Variants in CLSPN observed in about 807,000 individuals in gnomAD.
The protein encoded by CLSPN is claspin homolog.
Under a neutral mutation model 156.3 loss-of-function variants are expected in CLSPN, and 85 were observed. The observed-to-expected ratio is 0.54, with a 90% CI of 0.46 to 0.65. CLSPN has a LOEUF of 0.65. Among genes scored for constraint, CLSPN ranks in the 30% least tolerant of loss-of-function variants. CLSPN has a pLI of 0.00. For synonymous variants in CLSPN, 534 were observed against 542.4 expected (o/e 0.98, Z 0.22); for missense variants, 1,407 against 1,554.9 (o/e 0.90, Z 1.60).
In CLSPN at chr1:35,761,979, G is replaced by C. The variant is rs1370071851; in HGVS notation, c.895+19C>G. On this transcript the variant is annotated intron_variant, in intron 6 of 24. Coordinates refer to ENST00000318121, the MANE Select transcript of CLSPN (RefSeq NM_022111.4). ...AGAAATGTTGTGATTTTGCCTCAAA[G>C]TTTACTGGGTTGCATTACCTCGAAT... is the stretch of plus-strand genomic sequence containing the variant. The C allele has an allele frequency of 1.5e-5, 24 of 1,588,736 alleles. No individual in the cohort carries two copies. The highest frequency in any genetic ancestry group is 1.9e-5 in the Non-Finnish European group (22 of 1,160,964).
chr1:35,723,935 G>A (rs1385873271), intron 24 of CLSPN, among the ~76,000 whole-genome samples: 3 of 152,296 alleles, frequency 2.0e-5, no homozygotes, highest in South Asian at 4.1e-4. Flanking sequence ...AGGTTGCAGT[G>A]AGCCAAGATC....
chr1:35,753,879 C>T lies in CLSPN; in HGVS notation c.1637G>A (p.Arg546Lys), dbSNP rs374926486. The T allele has an allele frequency of 5.4e-5, 87 of 1,614,096 alleles. No homozygotes were observed. Among genetic ancestry groups the T allele is most frequent in the Non-Finnish European group, 6.4e-5 (76 of 1,180,050 alleles). Residue 546 changes from arginine to lysine, a missense_variant, in exon 9 of 25, where the codon AGG (arginine) becomes AAG (lysine). Coordinates refer to ENST00000318121, the MANE Select transcript of CLSPN (RefSeq NM_022111.4). ...WKHANPAAKP[R>K]AGQTVNVNVI... ...GTTCACATTCACTGTCTGACCAGCC[C>T]TGGGTTTGGCTGCTGGATTAGCATG...
chr1:35,750,402 T>G (rs2148619789), intron 10 of CLSPN, among the ~76,000 whole-genome samples: 1 of 151,916 alleles, frequency 6.6e-6, no homozygotes, highest in East Asian at 1.9e-4. Flanking sequence ...GAAAGTTTTT[T>G]TTTTTTTTTC....
intron 24 of CLSPN, 27 bp downstream of exon 24, chr1:35,736,887 C>T: frequency 1.3e-6 from 2 of 1,597,388 alleles, no homozygotes; most frequent in Middle Eastern, 1.7e-4. Context: ...TTTGGGAAGC[C>T]ACCATATTAG....
rs1225402735 is a variant in CLSPN at position 35,742,992 on chromosome 1, G to A, written c.3143+149C>T. The A allele has an allele frequency of 1.9e-5, 12 of 620,470 alleles. No individual in the cohort carries two copies. The South Asian group carries it at 2.2e-4, about 11-fold the overall frequency. The allele number at this position is 620,470 out of a possible 1,614,324, so 38.4% of individuals were successfully genotyped here. On this transcript the variant is annotated intron_variant, in intron 18 of 24. Coordinates refer to ENST00000318121, the MANE Select transcript of CLSPN (RefSeq NM_022111.4). ...TCGATCTCTTGACCTGTGTCACCAA[G>A]ACCAGGCTGGTCTTGAACTCCTGAC...
chr1:35,740,488 G>A (rs182860204), intron 18 of CLSPN, among the ~76,000 whole-genome samples: 2 of 150,372 alleles, frequency 1.3e-5, no homozygotes, highest in Non-Finnish European at 3.0e-5. Flanking sequence ...ATGCCATCTC[G>A]GCTCACTGCA....
intron 9 of CLSPN, among the ~76,000 whole-genome samples, chr1:35,752,471 G>A (rs915457531): frequency 2.6e-5 from 4 of 151,670 alleles, no homozygotes; most frequent in Non-Finnish European, 5.9e-5. Context: ...CCAGCTATTC[G>A]GGAGGCTGAG....
Position 35,764,711 on chromosome 1 carries a change from G to C in CLSPN, c.137C>G (p.Ser46Ter). 6.4e-7 allele frequency: 1 copy of C among 1,554,694 alleles called. No homozygotes were observed. Among genetic ancestry groups the C allele is most frequent in the Non-Finnish European group, 8.6e-7 (1 of 1,156,378 alleles). ...ETIGPLSEGD[S>*]DEEIFVSKKL... is the part of the protein sequence containing the mutation. Reference sequence around the variant, plus strand: ...CTTACTTACAAATATCTCTTCATCTGAATCTGGAGGAAACAATTTTCTTTT... The same window carrying C: ...CTTACTTACAAATATCTCTTCATCTCAATCTGGAGGAAACAATTTTCTTTT... Residue 46 changes from serine to a stop codon, truncating the protein, a stop_gained, in exon 3 of 25, where the codon TCA becomes TGA. Coordinates refer to ENST00000318121, the MANE Select transcript of CLSPN (RefSeq NM_022111.4). LOFTEE classifies it high-confidence loss of function.
At chr1:35,767,489 C>T (rs1182659014) in intron 1 of CLSPN, among the ~76,000 whole-genome samples, 1 of 152,128 alleles carries the variant, frequency 6.6e-6, no homozygotes, top group Non-Finnish European at 1.5e-5. Context: ...CTGAAATGCT[C>T]CCAATTCCAA....
intron 24 of CLSPN, among the ~76,000 whole-genome samples, chr1:35,723,639 TGGG>T (rs1446011958): frequency 6.6e-6 from 1 of 152,170 alleles, no homozygotes; most frequent in Non-Finnish European, 1.5e-5. Context: ...GGTACTGTGT[TGGG>T]AATTCAGAGC....
downstream of CLSPN, among the ~76,000 whole-genome samples, chr1:35,727,554 G>A (rs190565127): frequency 5.3e-5 from 8 of 152,314 alleles, no homozygotes; most frequent in East Asian, 5.8e-4. Context: ...GGAACAGCAG[G>A]TTTAGATCAT....
chr1:35,720,852 G>C, exon 25 of CLSPN: 1 of 1,416,886 alleles, frequency 7.1e-7, no homozygotes. Flanking sequence ...GCCCAGAATA[G>C]CCCTTCTCCG....
intron 8 of CLSPN, among the ~76,000 whole-genome samples, chr1:35,758,374 G>A (rs1456677322): frequency 6.6e-6 from 1 of 152,140 alleles, no homozygotes; most frequent in Non-Finnish European, 1.5e-5. Flanking sequence ...GCTGAGTGTA[G>A]TGGCTCACAC....
chr1:35,753,903 T>TCCAAAC lies in CLSPN; in HGVS notation c.1612_1613insGTTTGG (p.His538delinsArgLeuAsp), dbSNP rs769351229. ...CCTGGGTTTGGCTGCTGGATTAGCA[T>TCCAAAC]GCTTCCAGAAACGCTGCTTCAAGGC... On this transcript the variant is annotated protein_altering_variant, in exon 9 of 25. Coordinates refer to ENST00000318121, the MANE Select transcript of CLSPN (RefSeq NM_022111.4). 6.2e-7 allele frequency: 1 copy of TCCAAAC among 1,614,102 alleles called. No individual in the cohort carries two copies. The highest frequency in any genetic ancestry group is 2.2e-5 in the East Asian group (1 of 44,906).
rs1641473155 is a variant in CLSPN at position 35,736,399 on chromosome 1, AGAAG to A, written c.*93_*96del. 3 of 1,463,468 alleles carry A rather than the reference AGAAG, an allele frequency of 2.0e-6. No homozygotes were observed. The highest frequency in any genetic ancestry group is 4.8e-5 in the East Asian group (2 of 41,650). The allele number at this position is 1,463,468 out of a possible 1,614,324, so 90.7% of individuals were successfully genotyped here. ...GCAATCTTATTGCATTGATTATGAA[AGAAG>A]GAAGGATCATTGGCTGGAGTGTCAA... On this transcript the variant is annotated 3_prime_UTR_variant, in exon 25 of 25. Transcript: ENST00000318121.
intron 22 of CLSPN, 90 bp downstream of exon 22, chr1:35,737,902 C>A: frequency 1.5e-6 from 1 of 647,904 alleles, no homozygotes; most frequent in Non-Finnish European, 2.5e-6. Context: ...TATGATTAAG[C>A]TGCAACAGCT....
chr1:35,734,686 AAAAAG>A lies in CLSPN; in HGVS notation c.*1805_*1809del, dbSNP rs1486107512. On this transcript the variant is annotated 3_prime_UTR_variant, in exon 25 of 25. Transcript: ENST00000318121. ...GAGCCAGCCTATGTCTCAAAAAAAAAAAAAGAAAAGAAAAGAAAAGAAAAAGAAAA... is the reference window on the plus strand; with the variant it reads ...GAGCCAGCCTATGTCTCAAAAAAAAAAAAAGAAAAGAAAAGAAAAAGAAAA... 24 of 918,528 alleles carry A rather than the reference AAAAAG, an allele frequency of 2.6e-5. No individual in the cohort carries two copies. In the African/African-American group the frequency reaches 3.2e-4, roughly 12 times the overall value. The allele number at this position is 918,528 out of a possible 1,614,324, so 56.9% of individuals were successfully genotyped here.
At chr1:35,763,083 G>A in intron 4 of CLSPN, 77 bp downstream of exon 4, 1 of 1,224,412 alleles carries the variant, frequency 8.2e-7, no homozygotes, top group South Asian at 2.3e-5. Context: ...AAAAATTAAG[G>A]TTCCAACAGT....
intron 24 of CLSPN, among the ~76,000 whole-genome samples, chr1:35,724,802 T>C (rs1183943576): frequency 1.3e-5 from 2 of 152,210 alleles, no homozygotes; most frequent in African/African-American, 4.8e-5. Context: ...TCCCCAGAAT[T>C]GGTTCATCTT....
Sources: allele counts gnomAD v4.1 joint callset (sites outside exome capture counted in the v4.1 genomes callset), GRCh38; gene constraint gnomAD v4.1.1; transcripts MANE v1.5; gene names NCBI Gene and HGNC (gene_info 2026-07-23, HGNC 2026-07-21).